Variants in SUGP2 observed in about 807,000 individuals in gnomAD.
SUGP2 encodes the protein SURP and G-patch domain containing 2.
SUGP2 carries 24 observed loss-of-function variants against 90.5 expected under a neutral mutation model. That is an observed-to-expected ratio of 0.27 (90% CI 0.19 to 0.37). The LOEUF (loss-of-function observed/expected upper bound fraction) is 0.37, where lower values mean the gene tolerates loss of function less well. Ranked by LOEUF, SUGP2 falls within the 10% of genes least tolerant of loss-of-function variation. The probability of loss-of-function intolerance (pLI) is 1.00; values close to 1 mark genes in which losing one functional copy is unlikely to be tolerated. For missense variants in SUGP2, 1,233 were observed against 1,363.3 expected (o/e 0.90, Z 1.51); for synonymous variants, 473 against 513.4 (o/e 0.92, Z 1.06).
Position 19,004,539 on chromosome 19 carries a change from C to G in SUGP2, c.2558G>C (p.Gly853Ala). The G allele has an allele frequency of 1.9e-6, 3 of 1,614,210 alleles. No homozygotes were observed. Among genetic ancestry groups the G allele is most frequent in the Non-Finnish European group, 1.7e-6 (2 of 1,180,026 alleles). The change falls in exon 7 of 11, where the codon GGT becomes GCT. Residue 853 changes from glycine (G) to alanine (A), a missense_variant. Gly to Ala is a moderately conservative substitution (Grantham distance 60). Coordinates refer to ENST00000452918, the MANE Select transcript of SUGP2 (RefSeq NM_001017392.5). ...CTGAGAACCCGTGGTGTCACCACCA[C>G]CAGTGTGAAGGTTGTGCGGAGATGA... ...FTSSPHNLHT[G>A]GGDTTGSQES...
At position 19,009,706 on chromosome 19, in the gene SUGP2, G is replaced by A. The variant is rs115352530; in HGVS notation, c.2338+149C>T. 1,825 of 984,252 alleles carry A rather than the reference G, an allele frequency of 1.9e-3. 22 individuals are homozygous for A. The African/African-American group carries it at 0.027, about 15-fold the overall frequency. 61.0% of individuals were successfully genotyped at this position (984,252 alleles called of 1,614,324 possible). A position where few individuals can be genotyped will look rare whatever the true frequency, so the allele number is the denominator to read the frequency against. On this transcript the variant is annotated intron_variant, in intron 5 of 10. Transcript: ENST00000452918. ...CTCTCAAGAAAGCAAGAGAGAAAGC[G>A]CCAACATGTACACTTGTCCTGGCCA...
intron 3 of SUGP2, among the ~76,000 whole-genome samples, chr19:19,023,489 G>A (rs1226384280): frequency 2.0e-5 from 3 of 152,076 alleles, no homozygotes; most frequent in Non-Finnish European, 4.4e-5. Flanking sequence ...TACCACCCCT[G>A]GCTCACAAGT....
At position 19,025,007 on chromosome 19, in the gene SUGP2, G is replaced by A. The variant is rs936728083; in HGVS notation, c.1341C>T (p.Cys447=). The part of the protein sequence containing the change: ...LKSVTPLLMA[C]NAYELSVKMK... Reference sequence around the variant, plus strand: ...TCTTGACACTTAGCTCGTAGGCATTGCAGGCCATAAGCAAAGGTGTGACAC... The same window carrying A: ...TCTTGACACTTAGCTCGTAGGCATTACAGGCCATAAGCAAAGGTGTGACAC... Residue 447 remains cysteine (C), a synonymous_variant, in exon 3 of 11, where the codon TGC becomes TGT. Transcript: ENST00000452918. 55 of 1,614,072 alleles carry A rather than the reference G, an allele frequency of 3.4e-5. No individual in the cohort carries two copies. Among genetic ancestry groups the A allele is most frequent in the Non-Finnish European group, 4.7e-5 (55 of 1,180,042 alleles).
intron 6 of SUGP2, among the ~76,000 whole-genome samples, chr19:19,007,886 A>G (rs551552271): frequency 6.6e-6 from 1 of 151,716 alleles, no homozygotes; most frequent in South Asian, 2.1e-4. Flanking sequence ...CAGCCTCCCA[A>G]GCAGCTGGGA....
At chr19:19,007,755 C>CTTTTTTTTTTTTTTT (rs34670209) in intron 6 of SUGP2, among the ~76,000 whole-genome samples, 2 of 113,434 alleles carry the variant, frequency 1.8e-5, no homozygotes, top group African/African-American at 7.0e-5. Flanking sequence ...TGCACCTAGC[C>CTTTTTTTTTTTTTTT]TTTTTTTTTT....
At position 19,016,481 on chromosome 19, in the gene SUGP2, C is replaced by T. The variant is rs116257838; in HGVS notation, c.1850+2628G>A. Among the ~76,000 whole-genome samples the T allele has an allele frequency of 7.8e-3, 1,185 of 152,282 alleles. 12 individuals are homozygous for T. Among genetic ancestry groups the T allele is most frequent in the African/African-American group, 0.028 (1,146 of 41,552 alleles). On this transcript the variant is annotated intron_variant, in intron 4 of 10. Coordinates refer to ENST00000452918, the MANE Select transcript of SUGP2 (RefSeq NM_001017392.5). The stretch of plus-strand genomic sequence containing the variant: ...CTCTCAGGGCCTCCTATTCCTCCAG[C>T]CTAATCACCTTATCAACCACCTGTA...
chr19:18,995,133 C>G lies in SUGP2; in HGVS notation c.3128+11G>C, dbSNP rs1305100350. ...CCCACCCACTCCCACCCCAGGCTGC[C>G]TGCTGCGTACACGCTGACCGGCTCC... On this transcript the variant is annotated intron_variant, in intron 9 of 10. Transcript: ENST00000452918. 1.2e-6 allele frequency: 2 copies of G among 1,611,422 alleles called. No homozygotes were observed. Among genetic ancestry groups the G allele is most frequent in the Middle Eastern group, 1.7e-4 (1 of 5,788 alleles).
At position 19,029,236 on chromosome 19, in the gene SUGP2, G is replaced by T. The variant is rs1351301903; in HGVS notation, c.121+1715C>A. On this transcript the variant is annotated intron_variant, in intron 2 of 10. Transcript: ENST00000452918. ...GGCTCGCTGCAACCTCCGCCTCCTG[G>T]GTTCACGCCATTCTCCTGCCTCAGC... 9.9e-5 allele frequency among the ~76,000 whole-genome samples: 15 copies of T among 151,916 alleles called. No individual in the cohort carries two copies. In the East Asian group the frequency reaches 2.5e-3, roughly 26 times the overall value.
chr19:19,019,941 G>A (rs143729015), intron 3 of SUGP2, among the ~76,000 whole-genome samples: 3,541 of 117,738 alleles, frequency 0.03, 72 homozygotes, highest in Non-Finnish European at 0.044. Flanking sequence ...GAGCTCAGGA[G>A]TTCAAGACCA....
intron 4 of SUGP2, among the ~76,000 whole-genome samples, chr19:19,011,347 C>A (rs539393507): frequency 1.3e-5 from 2 of 151,726 alleles, no homozygotes; most frequent in Non-Finnish European, 2.9e-5. Context: ...GACATTTCAC[C>A]ATGTTGCCTA....
chr19:19,023,726 C>CA (rs1258618641), intron 3 of SUGP2, among the ~76,000 whole-genome samples: 7 of 151,754 alleles, frequency 4.6e-5, no homozygotes, highest in Admixed American at 6.6e-5. Flanking sequence ...TGATTCTCTA[C>CA]AAAAAAATAC....
rs562793797 is a variant in SUGP2 at position 19,003,104 on chromosome 19, G to T, written c.2929+1064C>A. ...TTACAGGCACGAGCCACTGCGCCTG[G>T]CCCCATGAGAAGTTTTGAAGGATGG... is the stretch of plus-strand genomic sequence containing the variant. On this transcript the variant is annotated intron_variant, in intron 7 of 10. Coordinates refer to ENST00000452918, the MANE Select transcript of SUGP2 (RefSeq NM_001017392.5). Among the ~76,000 whole-genome samples, 22 of 152,298 alleles carry T rather than the reference G, an allele frequency of 1.4e-4. No individual in the cohort carries two copies. The South Asian group carries it at 4.6e-3, about 32-fold the overall frequency.
At chr19:19,019,316 T>C in intron 3 of SUGP2, 87 bp from the exon 4 acceptor site, 2 of 1,451,478 alleles carry the variant, frequency 1.4e-6, no homozygotes, top group Non-Finnish European at 1.9e-6. Flanking sequence ...GGGGGCTTAG[T>C]GCTGAACCCA....
Position 19,004,352 on chromosome 19 carries a change from A to T in SUGP2, c.2745T>A (p.Ser915=). ...GGCCGTCGGCAGGGGTGCTGCCCTC[A>T]GACTTGCCCGCCCCTCCAGGAGCGG... ...EAPAPGGAGK[S]EGSTPADGLP... The change falls in exon 7 of 11, where the codon TCT becomes TCA. Residue 915 remains serine, a synonymous_variant. Coordinates refer to ENST00000452918, the MANE Select transcript of SUGP2 (RefSeq NM_001017392.5). 1 of 1,613,508 alleles carries T rather than the reference A, an allele frequency of 6.2e-7. No homozygotes were observed. The highest frequency in any genetic ancestry group is 8.5e-7 in the Non-Finnish European group (1 of 1,179,676).
chr19:19,022,876 T>C (rs527965803), intron 3 of SUGP2, among the ~76,000 whole-genome samples: 3 of 152,120 alleles, frequency 2.0e-5, no homozygotes, highest in Admixed American at 6.6e-5. Context: ...CAAATGAGAC[T>C]TCGCCACTGG....
chr19:19,008,226 C>T (rs2058163280), intron 6 of SUGP2, 91 bp downstream of exon 6: 2 of 1,101,740 alleles, frequency 1.8e-6, no homozygotes, highest in Non-Finnish European at 1.4e-6. Context: ...ATCACTTGAG[C>T]CCAGGAATTC....
chr19:19,027,838 AC>A (rs1264817571), intron 2 of SUGP2, among the ~76,000 whole-genome samples: 1 of 152,182 alleles, frequency 6.6e-6, no homozygotes, highest in East Asian at 1.9e-4. Context: ...GGGTTTCACC[AC>A]ATTGGCCAGG....
intron 3 of SUGP2, among the ~76,000 whole-genome samples, chr19:19,019,948 A>C (rs1443358900): frequency 7.6e-6 from 1 of 130,862 alleles, no homozygotes; most frequent in Non-Finnish European, 1.6e-5. Flanking sequence ...GGAGTTCAAG[A>C]CCACACTGGG....
rs746253997 is a variant in SUGP2 at position 18,994,384 on chromosome 19, G to C, written c.3231C>G (p.His1077Gln). The C allele has an allele frequency of 6.2e-7, 1 of 1,614,214 alleles. No homozygotes were observed. Residue 1077 changes from histidine (H) to glutamine (Q), a missense_variant, in exon 10 of 11, where the codon CAC becomes CAG. His to Gln is a conservative substitution (Grantham distance 24, BLOSUM62 0). Transcript: ENST00000452918. The stretch of plus-strand genomic sequence containing the variant: ...AACATACCTATTTGTTGGCCCGCTT[G>C]TGTCTGTACATCTGCATCATCCTCT... ...FRQRMMQMYR[H>Q]KRANK
Sources: gnomAD v4.1 joint callset for allele counts (sites outside exome capture counted in the v4.1 genomes callset) on GRCh38, gnomAD v4.1.1 for gene constraint, MANE v1.5 for transcripts, NCBI Gene and HGNC (gene_info 2026-07-23, HGNC 2026-07-21) for gene names.